ARID4B: variants seen among roughly 807,000 people sequenced by gnomAD.
The protein encoded by ARID4B is AT-rich interactive domain-containing protein 4B.
Under a neutral mutation model 147.5 loss-of-function variants are expected in ARID4B, and 26 were observed. The observed-to-expected ratio is 0.18, with a 90% CI of 0.13 to 0.24. ARID4B has a LOEUF of 0.24. Among genes scored for constraint, ARID4B ranks in the 10% least tolerant of loss-of-function variants. ARID4B has a pLI of 1.00. For missense variants in ARID4B, 1,179 were observed against 1,511.5 expected, an observed-to-expected ratio of 0.78 and a Z score of 3.65; for synonymous variants, 512 against 507.9, an observed-to-expected ratio of 1.01 and a Z score of -0.11.
intron 2 of ARID4B, among the ~76,000 whole-genome samples, chr1:235,324,148 C>T (rs1675048369): frequency 1.3e-5 from 2 of 152,008 alleles, no homozygotes; most frequent in African/African-American, 4.8e-5. Context: ...CTCAGGTGAT[C>T]CTCCTACCTC....
chr1:235,227,387 A>G (rs1667897343), intron 11 of ARID4B, among the ~76,000 whole-genome samples: 1 of 152,180 alleles, frequency 6.6e-6, no homozygotes, highest in Admixed American at 6.5e-5. Flanking sequence ...AGTCAGGGAG[A>G]AGACTGAAGC....
At chr1:235,226,604 C>T (rs1667847174) in intron 11 of ARID4B, among the ~76,000 whole-genome samples, 1 of 152,030 alleles carries the variant, frequency 6.6e-6, no homozygotes, top group African/African-American at 2.4e-5. Context: ...TCACTGCAAG[C>T]TCCGCCTCCC....
At chr1:235,295,272 G>A (rs1672613924) in intron 2 of ARID4B, among the ~76,000 whole-genome samples, 2 of 152,184 alleles carry the variant, frequency 1.3e-5, no homozygotes, top group Admixed American at 6.5e-5. Context: ...CACTTTGGGA[G>A]GCTAAGGCAG....
At chr1:235,205,200 A>C (rs1168926859) in intron 17 of ARID4B, among the ~76,000 whole-genome samples, 3 of 152,194 alleles carry the variant, frequency 2.0e-5, no homozygotes, top group Non-Finnish European at 4.4e-5. Flanking sequence ...ACTCAAGTAC[A>C]GCAGGGATCA....
At chr1:235,232,425 A>G (rs1166305412) in intron 9 of ARID4B, among the ~76,000 whole-genome samples, 1 of 151,918 alleles carries the variant, frequency 6.6e-6, no homozygotes, top group Non-Finnish European at 1.5e-5. Flanking sequence ...CATCTCAAAA[A>G]AAAGTAAATA....
intron 19 of ARID4B, among the ~76,000 whole-genome samples, chr1:235,192,314 C>T (rs1665167652): frequency 6.6e-6 from 1 of 151,982 alleles, no homozygotes; most frequent in Non-Finnish European, 1.5e-5. Flanking sequence ...AAAGTCCAGA[C>T]TATAATTACT....
At chr1:235,240,743 G>A (rs563716883) in intron 7 of ARID4B, among the ~76,000 whole-genome samples, 2 of 152,168 alleles carry the variant, frequency 1.3e-5, no homozygotes, top group African/African-American at 4.8e-5. Context: ...AAAAGGTGAA[G>A]GCCCCATATT....
chr1:235,323,099 G>T (rs1311316932), intron 2 of ARID4B, among the ~76,000 whole-genome samples: 1 of 150,130 alleles, frequency 6.7e-6, no homozygotes, highest in Non-Finnish European at 1.5e-5. Flanking sequence ...GGAGTGCAGT[G>T]GTGCCATCTC....
intron 23 of ARID4B, among the ~76,000 whole-genome samples, chr1:235,172,402 C>T (rs1220803796): frequency 6.6e-6 from 1 of 152,018 alleles, no homozygotes; most frequent in African/African-American, 2.4e-5. Context: ...CATGGCGAAA[C>T]CCTGTCTCTA....
intron 5 of ARID4B, among the ~76,000 whole-genome samples, 180 bp downstream of exon 5, chr1:235,255,480 T>G (rs1346468542): frequency 6.6e-6 from 1 of 152,066 alleles, no homozygotes; most frequent in African/African-American, 2.4e-5. Flanking sequence ...TCAATTTTTG[T>G]TACATATACA....
intron 2 of ARID4B, among the ~76,000 whole-genome samples, chr1:235,322,789 G>C (rs1258092447): frequency 6.6e-6 from 1 of 151,954 alleles, no homozygotes; most frequent in African/African-American, 2.4e-5. Flanking sequence ...CTTATGAAAG[G>C]GGTGAGACAG....
At chr1:235,181,295 T>C (rs1350730787) in intron 20 of ARID4B, 4 of 566,798 alleles carry the variant, frequency 7.1e-6, no homozygotes, top group African/African-American at 5.8e-5. Flanking sequence ...CTGCATATAA[T>C]GAATTCTCAA....
chr1:235,320,447 C>T (rs1478340250), intron 2 of ARID4B, among the ~76,000 whole-genome samples: 1 of 152,160 alleles, frequency 6.6e-6, no homozygotes, highest in East Asian at 1.9e-4. Flanking sequence ...TTCTCCTCAC[C>T]ACCATCTCTC....
At chr1:235,217,212 TA>T (rs776167728) in intron 16 of ARID4B, among the ~76,000 whole-genome samples, 1 of 152,008 alleles carries the variant, frequency 6.6e-6, no homozygotes, top group African/African-American at 2.4e-5. Flanking sequence ...CACTGAAGTA[TA>T]AAGAAAAAAA....
intron 23 of ARID4B, among the ~76,000 whole-genome samples, chr1:235,170,003 T>A (rs77148474): frequency 0.04 from 6,094 of 152,228 alleles, 458 homozygotes; most frequent in African/African-American, 0.14. Context: ...TATTTTTAAA[T>A]ACATGCACAG....
At chr1:235,311,880 T>A (rs759527172) in intron 2 of ARID4B, among the ~76,000 whole-genome samples, 1 of 152,206 alleles carries the variant, frequency 6.6e-6, no homozygotes, top group African/African-American at 2.4e-5. Flanking sequence ...CGGTGCCCTA[T>A]ATAAATTATT....
chr1:235,269,747 A>G (rs770134711), intron 2 of ARID4B, among the ~76,000 whole-genome samples: 2 of 152,182 alleles, frequency 1.3e-5, no homozygotes, highest in Non-Finnish European at 2.9e-5. Context: ...AGCAAATGAC[A>G]TCGAATGTTA....
At chr1:235,276,741 T>C (rs1671340361) in intron 2 of ARID4B, among the ~76,000 whole-genome samples, 3 of 152,142 alleles carry the variant, frequency 2.0e-5, no homozygotes, top group Admixed American at 2.0e-4. Flanking sequence ...CTCATGCCTA[T>C]AATCCCAGCA....
intron 2 of ARID4B, among the ~76,000 whole-genome samples, chr1:235,277,615 TG>T (rs1671416892): frequency 7.1e-6 from 1 of 141,308 alleles, no homozygotes; most frequent in Non-Finnish European, 1.5e-5. Flanking sequence ...TGTGTGTGTG[TG>T]TGTGTGTGTG....
Sources: allele counts gnomAD v4.1 joint callset (sites outside exome capture counted in the v4.1 genomes callset), GRCh38; gene constraint gnomAD v4.1.1; transcripts MANE v1.5; gene names NCBI Gene and HGNC (gene_info 2026-07-23, HGNC 2026-07-21).